COL4A2: variants seen among roughly 807,000 people sequenced by gnomAD.
The protein encoded by COL4A2 is collagen alpha-2(IV) chain.
In COL4A2, 99 loss-of-function variants were observed where a neutral mutation model predicts 200.2. The ratio of observed to expected loss-of-function variants is 0.49; its 90% CI spans 0.42 to 0.58. The LOEUF (loss-of-function observed/expected upper bound fraction) is 0.58, where lower values mean the gene tolerates loss of function less well. COL4A2 is among the 20% of genes least tolerant of loss of function. The pLI is 0.00. For missense variants in COL4A2, 1,950 were observed against 2,314.1 expected, an observed-to-expected ratio of 0.84 and a Z score of 3.23; for synonymous variants, 897 against 900.6, an observed-to-expected ratio of 1.00 and a Z score of 0.07.
At chr13:110,456,138 T>C (rs1881725420) in intron 20 of COL4A2, among the ~76,000 whole-genome samples, 1 of 152,210 alleles carries the variant, frequency 6.6e-6, no homozygotes, top group Admixed American at 6.5e-5. Flanking sequence ...TGCACCGTCA[T>C]CATCAGGGAT....
At chr13:110,424,419 T>C (rs2139453367) in intron 4 of COL4A2, among the ~76,000 whole-genome samples, 1 of 61,326 alleles carries the variant, frequency 1.6e-5, no homozygotes, top group South Asian at 5.5e-4. Flanking sequence ...GGAAAATTTT[T>C]TATACTGAAA....
chr13:110,446,950 A>G, intron 18 of COL4A2, 86 bp downstream of exon 18: 2 of 1,089,386 alleles, frequency 1.8e-6, no homozygotes, highest in South Asian at 3.7e-5. Flanking sequence ...CTTTCAAGAC[A>G]GATATTCTAA....
chr13:110,419,404 AC>A (rs1392836569), intron 4 of COL4A2, among the ~76,000 whole-genome samples: 1 of 152,162 alleles, frequency 6.6e-6, no homozygotes, highest in Non-Finnish European at 1.5e-5. Flanking sequence ...CTACTCCCTT[AC>A]CCAGGGAATA....
intron 3 of COL4A2, among the ~76,000 whole-genome samples, chr13:110,321,679 A>G (rs1446621729): frequency 1.3e-5 from 2 of 152,240 alleles, no homozygotes; most frequent in African/African-American, 2.4e-5. Context: ...TGGGCAATTT[A>G]CAAAAGAAAG....
intron 3 of COL4A2, among the ~76,000 whole-genome samples, chr13:110,330,336 GT>G (rs528439788): frequency 6.6e-4 from 100 of 152,214 alleles, no homozygotes; most frequent in Non-Finnish European, 1.1e-3. Flanking sequence ...GTAACACGAT[GT>G]TTTACTCGGT....
chr13:110,461,768 C>T (rs1315690607), intron 22 of COL4A2, among the ~76,000 whole-genome samples: 1 of 152,154 alleles, frequency 6.6e-6, no homozygotes, highest in Admixed American at 6.5e-5. Context: ...CTCCTGACCT[C>T]AAGTGATCCG....
Position 110,482,557 on chromosome 13 carries a change from C to T in COL4A2, c.2800C>T (p.Pro934Ser). The part of the protein sequence containing the change: ...SPGMDGFQGM[P>S]GLKGRPGFPG... Reference sequence around the variant, plus strand: ...TGGGATGGATGGTTTCCAAGGCATGCCTGGACTCAAAGGGAGACCCGGGTT... The same window carrying T: ...TGGGATGGATGGTTTCCAAGGCATGTCTGGACTCAAAGGGAGACCCGGGTT... The change falls in exon 32 of 48, where the codon CCT becomes TCT. Residue 934 changes from proline (P) to serine (S), a missense_variant. Coordinates refer to ENST00000360467, the MANE Select transcript of COL4A2 (RefSeq NM_001846.4). The T allele has an allele frequency of 6.2e-7, 1 of 1,614,170 alleles. No homozygotes were observed. Among genetic ancestry groups the T allele is most frequent in the Non-Finnish European group, 8.5e-7 (1 of 1,180,028 alleles).
At chr13:110,507,657 A>G (rs1883932224) in intron 46 of COL4A2, 5 of 542,144 alleles carry the variant, frequency 9.2e-6, no homozygotes, top group Admixed American at 3.1e-5. Context: ...CCAAAATGCT[A>G]TTCCATGAAG....
Position 110,464,995 on chromosome 13 carries a change from C to A in COL4A2, c.1777-410C>A, listed in dbSNP as rs555798302. Among the ~76,000 whole-genome samples the A allele has an allele frequency of 1.8e-4, 28 of 152,306 alleles. 1 individual carries two copies. Among genetic ancestry groups the A allele is most frequent in the African/African-American group, 6.5e-4 (27 of 41,558 alleles). ...AAATTAGCTTCCTTTCCTTTAACAA[C>A]GTAGCATCTCTTAAAATAACAGCCA... On this transcript the variant is annotated intron_variant, in intron 24 of 47. Coordinates refer to ENST00000360467, the MANE Select transcript of COL4A2 (RefSeq NM_001846.4).
intron 26 of COL4A2, 38 bp from the exon 27 acceptor site, chr13:110,467,002 G>C (rs771713349): frequency 1.2e-6 from 2 of 1,613,636 alleles, no homozygotes; most frequent in Non-Finnish European, 1.7e-6. Flanking sequence ...CAGTGTTTAG[G>C]ATTGCTTGGG....
intron 43 of COL4A2, 58 bp downstream of exon 43, chr13:110,503,539 G>A: frequency 1.9e-6 from 2 of 1,077,636 alleles, no homozygotes; most frequent in Non-Finnish European, 2.7e-6. Flanking sequence ...CTCCAGGCTT[G>A]GGGACATCCT....
intron 40 of COL4A2, among the ~76,000 whole-genome samples, chr13:110,499,229 C>T (rs746166183): frequency 4.6e-5 from 7 of 152,194 alleles, no homozygotes; most frequent in African/African-American, 7.2e-5. Context: ...GAAGAAATAC[C>T]AGAGACTGGG....
intron 31 of COL4A2, 94 bp from the exon 32 acceptor site, chr13:110,482,422 G>A (rs1882965417): frequency 7.3e-7 from 1 of 1,371,112 alleles, no homozygotes; most frequent in African/African-American, 1.4e-5. Flanking sequence ...TCTCACTTGA[G>A]TTACATTGCC....
intron 3 of COL4A2, among the ~76,000 whole-genome samples, chr13:110,324,573 C>T (rs976696409): frequency 1.5e-4 from 23 of 152,210 alleles, no homozygotes; most frequent in Non-Finnish European, 2.2e-4. Flanking sequence ...ACTGCCCGAA[C>T]GGATGCACGT....
intron 21 of COL4A2, chr13:110,457,747 C>T: frequency 1.9e-6 from 1 of 519,356 alleles, no homozygotes; most frequent in African/African-American, 1.9e-5. Context: ...ACAGTTATTT[C>T]TTAGGCTGCA....
chr13:110,452,558 A>G (rs901012969), intron 20 of COL4A2, among the ~76,000 whole-genome samples: 7 of 152,330 alleles, frequency 4.6e-5, no homozygotes, highest in Admixed American at 4.6e-4. Context: ...AATGTCTTCT[A>G]TTTAAAAGGT....
intron 4 of COL4A2, among the ~76,000 whole-genome samples, chr13:110,383,761 G>A (rs1444652962): frequency 2.0e-5 from 3 of 151,922 alleles, no homozygotes; most frequent in African/African-American, 7.3e-5. Flanking sequence ...GATTACAGGC[G>A]CATGCCACCA....
In COL4A2 at chr13:110,512,191, A is replaced by C; in HGVS notation, c.5139A>C (p.Ter1713CysextTer87). ...GCCAGGTGTGCATGAAGAACCTGTG[A>C]GCCGGCGCGTGCCAGGAAGGGCCAT... ...SRCQVCMKNL* is the reference protein window; with the variant it reads ...SRCQVCMKNLC Residue 1713 changes from the stop codon to cysteine (C), a stop_lost, in exon 48 of 48, where the codon TGA becomes TGC. Transcript: ENST00000360467. 4 of 1,610,318 alleles carry C rather than the reference A, an allele frequency of 2.5e-6. No homozygotes were observed. Among genetic ancestry groups the C allele is most frequent in the Non-Finnish European group, 3.4e-6 (4 of 1,178,228 alleles).
intron 3 of COL4A2, among the ~76,000 whole-genome samples, chr13:110,331,987 A>G (rs1247137886): frequency 6.6e-6 from 1 of 151,982 alleles, no homozygotes; most frequent in East Asian, 1.9e-4. Context: ...CCTACGTTTT[A>G]TTGTCATCCA....
Sources: gnomAD v4.1 joint callset for allele counts (sites outside exome capture counted in the v4.1 genomes callset) on GRCh38, gnomAD v4.1.1 for gene constraint, MANE v1.5 for transcripts, NCBI Gene and HGNC (gene_info 2026-07-23, HGNC 2026-07-21) for gene names.